ARHGEF7: variants seen among roughly 807,000 people sequenced by gnomAD.
ARHGEF7 encodes Rho guanine nucleotide exchange factor 7, also known as PAK-interacting exchange factor beta.
A neutral mutation model predicts 109.8 loss-of-function variants in ARHGEF7; 33 were observed. The observed-to-expected ratio is 0.30, with a 90% confidence interval of 0.23 to 0.40. The LOEUF (loss-of-function observed/expected upper bound fraction) is 0.40. ARHGEF7 is among the 10% of genes least tolerant of loss of function. ARHGEF7 has a pLI of 1.00. For missense variants in ARHGEF7, 938 were observed against 1,098.5 expected (o/e 0.85, Z 2.07); for synonymous variants, 458 against 424.6 (o/e 1.08, Z -0.97).
chr13:111,217,723 G>C lies in ARHGEF7; in HGVS notation c.513G>C (p.Lys171Asn). ...ACAATCAACTGGTAGTAAGAGCAAA[G>C]TTTAACTTCCAGCAGACCAATGAGG... ...NSNNQLVVRA[K>N]FNFQQTNEDE... is the part of the protein sequence containing the mutation. Residue 171 changes from lysine (K) to asparagine (N), a missense_variant, in exon 5 of 22, where the codon AAG becomes AAC. Coordinates refer to ENST00000646102, the MANE Select transcript of ARHGEF7 (RefSeq NM_001354046.2). 1 of 1,614,240 alleles carries C rather than the reference G, an allele frequency of 6.2e-7. No individual in the cohort carries two copies. The highest frequency in any genetic ancestry group is 8.5e-7 in the Non-Finnish European group (1 of 1,180,038).
intron 2 of ARHGEF7, among the ~76,000 whole-genome samples, chr13:111,187,757 CT>C (rs1390968294): frequency 4.6e-5 from 7 of 152,170 alleles, no homozygotes; most frequent in Non-Finnish European, 8.8e-5. Flanking sequence ...GTAGGGGAGC[CT>C]TTCGAATCCC....
At position 111,246,743 on chromosome 13, in the gene ARHGEF7, A is replaced by G. The variant is rs534487161; in HGVS notation, c.950+2449A>G. 6.1e-3 allele frequency among the ~76,000 whole-genome samples: 922 copies of G among 152,310 alleles called. 10 individuals carry two copies. The highest frequency in any genetic ancestry group is 0.02 in the Middle Eastern group (6 of 294). ...ATGAAGGTCATTTGCTGATAATTCA[A>G]AGTCTTTGTAAGAGTTCATATTGTG... On this transcript the variant is annotated intron_variant, in intron 8 of 21. Coordinates refer to ENST00000646102, the MANE Select transcript of ARHGEF7 (RefSeq NM_001354046.2).
At chr13:111,250,961 TTTC>T in intron 8 of ARHGEF7, among the ~76,000 whole-genome samples, 1 of 152,196 alleles carries the variant, frequency 6.6e-6, no homozygotes, top group East Asian at 1.9e-4. Context: ...TCCTTGGTGG[TTTC>T]TAATGTAGGC....
chr13:111,210,937 T>C (rs899443608), intron 4 of ARHGEF7, among the ~76,000 whole-genome samples: 17 of 152,130 alleles, frequency 1.1e-4, no homozygotes, highest in African/African-American at 4.1e-4. Context: ...TTAATTTAGA[T>C]AGAGTCGTGA....
At position 111,217,604 on chromosome 13, in the gene ARHGEF7, T is replaced by TA. The variant is rs550628372; in HGVS notation, c.469-72dup. The TA allele has an allele frequency of 7.8e-5, 106 of 1,359,700 alleles. No individual in the cohort carries two copies. The South Asian group carries it at 1.1e-3, about 14-fold the overall frequency. 84.2% of individuals were successfully genotyped at this position (1,359,700 alleles called of 1,614,324 possible). A position where few individuals can be genotyped will look rare whatever the true frequency, so the allele number is the denominator to read the frequency against. ...GGCAATTATGCTACCTTTGTACTAGTAAAGTATAATCCATTTTATAATGAA... is the reference window on the plus strand; with the variant it reads ...GGCAATTATGCTACCTTTGTACTAGTAAAAGTATAATCCATTTTATAATGAA... On this transcript the variant is annotated intron_variant, in intron 4 of 21. Coordinates refer to ENST00000646102, the MANE Select transcript of ARHGEF7 (RefSeq NM_001354046.2).
At chr13:111,133,427 C>A (rs369525980) in intron 1 of ARHGEF7, among the ~76,000 whole-genome samples, 1 of 152,010 alleles carries the variant, frequency 6.6e-6, no homozygotes, top group Non-Finnish European at 1.5e-5. Flanking sequence ...TATATACATA[C>A]GTTTCAGCTT....
In ARHGEF7 at chr13:111,267,567, A is replaced by G. The variant is rs1476757057; in HGVS notation, c.970A>G (p.Arg324Gly). ...CTCCAGGTTGCCCGAAGCTCAGCAG[A>G]GAGTCGGAGGCTGCTTTTTAAACCT... ...ECTKLPEAQQ[R>G]VGGCFLNLMP... The change falls in exon 9 of 22, where the codon AGA (arginine) becomes GGA (glycine). Residue 324 changes from arginine to glycine, a missense_variant. Around this residue, in one of 4 missense-constraint regions of ARHGEF7, gnomAD observed 585 missense variants for 723.6 expected, o/e 0.81. Transcript: ENST00000646102. 6.2e-7 allele frequency: 1 copy of G among 1,614,052 alleles called. No individual in the cohort carries two copies. The highest frequency in any genetic ancestry group is 1.1e-5 in the South Asian group (1 of 91,078).
chr13:111,151,149 C>T (rs1023989214), intron 1 of ARHGEF7, among the ~76,000 whole-genome samples: 2 of 152,204 alleles, frequency 1.3e-5, no homozygotes, highest in African/African-American at 4.8e-5. Context: ...GCTCGTGTGA[C>T]CATTTACATT....
intron 8 of ARHGEF7, among the ~76,000 whole-genome samples, chr13:111,252,606 G>A (rs1203092920): frequency 3.3e-5 from 5 of 152,220 alleles, no homozygotes; most frequent in African/African-American, 1.2e-4. Flanking sequence ...GCTCATGTCT[G>A]TCTGATGGCT....
chr13:111,158,441 AC>A (rs2076507920), intron 2 of ARHGEF7, among the ~76,000 whole-genome samples: 2 of 152,306 alleles, frequency 1.3e-5, no homozygotes, highest in South Asian at 4.1e-4. Flanking sequence ...AGGGATGGTA[AC>A]CCTAATATAT....
intron 1 of ARHGEF7, among the ~76,000 whole-genome samples, chr13:111,127,277 G>A (rs1299191370): frequency 6.6e-6 from 1 of 152,100 alleles, no homozygotes; most frequent in Middle Eastern, 3.2e-3. Context: ...TTCTCATAAA[G>A]AAAATTCCAG....
intron 8 of ARHGEF7, among the ~76,000 whole-genome samples, chr13:111,264,575 G>A (rs890776610): frequency 2.0e-5 from 3 of 152,132 alleles, no homozygotes; most frequent in South Asian, 2.1e-4. Context: ...TTCCCAGTCC[G>A]TGCAGGTAAC....
intron 2 of ARHGEF7, among the ~76,000 whole-genome samples, chr13:111,165,873 C>T (rs1384245581): frequency 1.3e-5 from 2 of 152,156 alleles, no homozygotes; most frequent in African/African-American, 4.8e-5. Context: ...GTTCTTCATG[C>T]TTGGCTGATT....
chr13:111,289,298 T>C (rs1220770971), intron 18 of ARHGEF7, among the ~76,000 whole-genome samples: 1 of 152,192 alleles, frequency 6.6e-6, no homozygotes, highest in Non-Finnish European at 1.5e-5. Context: ...CCTCCCAGAG[T>C]GCTGGGATTA....
At chr13:111,156,617 G>A (rs144178988) in intron 2 of ARHGEF7, among the ~76,000 whole-genome samples, 320 of 152,384 alleles carry the variant, frequency 2.1e-3, no homozygotes, top group Non-Finnish European at 3.2e-3. Flanking sequence ...GTGATGTGAA[G>A]GGACAGGGCT....
At chr13:111,217,599 A>T in intron 4 of ARHGEF7, 80 bp from the exon 5 acceptor site, 1 of 1,304,368 alleles carries the variant, frequency 7.7e-7, no homozygotes, top group Non-Finnish European at 1.1e-6. Flanking sequence ...CTACCTTTGT[A>T]CTAGTAAAGT....
At chr13:111,281,996 A>G (rs1401319994) in intron 15 of ARHGEF7, among the ~76,000 whole-genome samples, 2 of 152,200 alleles carry the variant, frequency 1.3e-5, no homozygotes, top group African/African-American at 4.8e-5. Context: ...AAAACCAGAC[A>G]CTGCTTTGAC....
intron 6 of ARHGEF7, chr13:111,241,407 C>G: frequency 6.7e-7 from 1 of 1,496,588 alleles, no homozygotes; most frequent in South Asian, 1.2e-5. Context: ...GAGTGGGCAC[C>G]CCAGCTGGAG....
rs1453115333 is a variant in ARHGEF7, at chr13:111,303,238, A to G, written c.*125A>G. The G allele has an allele frequency of 5.5e-6, 5 of 910,832 alleles. No homozygotes were observed. Among genetic ancestry groups the G allele is most frequent in the Admixed American group, 3.0e-5 (1 of 33,768 alleles). The allele number at this position is 910,832 out of a possible 1,614,324, so 56.4% of individuals were successfully genotyped here. On this transcript the variant is annotated 3_prime_UTR_variant, in exon 22 of 22. Coordinates refer to ENST00000646102, the MANE Select transcript of ARHGEF7 (RefSeq NM_001354046.2). Reference sequence around the variant, plus strand: ...GGTGGGGCGCCACCTTGCTCTCTGTATATAGAAAAGCTGGAGCTTATTCTG... The same window carrying G: ...GGTGGGGCGCCACCTTGCTCTCTGTGTATAGAAAAGCTGGAGCTTATTCTG...
Sources: allele counts gnomAD v4.1 joint callset (sites outside exome capture counted in the v4.1 genomes callset), GRCh38; gene constraint gnomAD v4.1.1; regional missense constraint gnomAD v4.1.1; transcripts MANE v1.5; gene names NCBI Gene and HGNC (gene_info 2026-07-23, HGNC 2026-07-21).